Variants in CTNNA2 observed in about 807,000 individuals in gnomAD.
CTNNA2 encodes catenin alpha-2.
Under a neutral mutation model 101.0 loss-of-function variants are expected in CTNNA2, and 42 were observed. That is an observed-to-expected ratio of 0.42 (90% CI 0.32 to 0.54). The LOEUF is 0.54. Among genes scored for constraint, CTNNA2 ranks in the 20% least tolerant of loss-of-function variants. The probability of loss-of-function intolerance (pLI) is 0.14; values close to 1 mark genes in which losing one functional copy is unlikely to be tolerated. For synonymous variants in CTNNA2, 450 were observed against 456.4 expected, an observed-to-expected ratio of 0.99 and a Z score of 0.18; for missense variants, 871 against 1,223.1, an observed-to-expected ratio of 0.71 and a Z score of 4.29.
intron 7 of CTNNA2, among the ~76,000 whole-genome samples, chr2:80,103,577 A>G (rs1700684891): frequency 6.6e-6 from 1 of 152,218 alleles, no homozygotes; most frequent in African/African-American, 2.4e-5. Flanking sequence ...CCTGCAAGTT[A>G]GTATCCCCAT....
chr2:79,836,715 C>G (rs899184172), intron 3 of CTNNA2, among the ~76,000 whole-genome samples: 6 of 152,128 alleles, frequency 3.9e-5, no homozygotes, highest in African/African-American at 1.4e-4. Context: ...ATCTCTGACT[C>G]TGTTGTCATA....
intron 2 of CTNNA2, among the ~76,000 whole-genome samples, chr2:79,290,189 T>C (rs1675759154): frequency 6.6e-6 from 1 of 152,198 alleles, no homozygotes; most frequent in South Asian, 2.1e-4. Flanking sequence ...CAAAAAAATC[T>C]ATGTTTAACA....
rs776840727 is a variant in CTNNA2 at position 80,554,249 on chromosome 2, A to C, written c.1541-1444A>C. Among the ~76,000 whole-genome samples, 69 of 152,294 alleles carry C rather than the reference A, an allele frequency of 4.5e-4. 1 individual carries two copies. Among genetic ancestry groups the C allele is most frequent in the Non-Finnish European group, 7.9e-4 (54 of 68,006 alleles). On this transcript the variant is annotated intron_variant, in intron 11 of 18. Coordinates refer to ENST00000402739, the MANE Select transcript of CTNNA2 (RefSeq NM_001282597.3). ...TGCTGGATACTCTCTTTCTTTCTTT[A>C]GGAAATTTAAAATCAGAACTAGCCC...
chr2:79,953,695 C>CA (rs1166002103), intron 7 of CTNNA2, among the ~76,000 whole-genome samples: 7 of 152,142 alleles, frequency 4.6e-5, no homozygotes, highest in Non-Finnish European at 1.0e-4. Flanking sequence ...AACTTAACCT[C>CA]ACGTTCTTTA....
intron 1 of CTNNA2, among the ~76,000 whole-genome samples, chr2:79,607,610 T>C (rs985088421): frequency 3.9e-5 from 6 of 152,072 alleles, no homozygotes; most frequent in African/African-American, 9.7e-5. Context: ...TAGAAATCAA[T>C]AACAAATCTG....
rs759019705 is a variant in CTNNA2, at chr2:80,303,763, C to A, written c.1057-89448C>A. ...AGGCCCCCAGCAGACACAAGACCACCCCCGAGGGCCTCCTCAGCAGCCAGT... is the reference window on the plus strand; with the variant it reads ...AGGCCCCCAGCAGACACAAGACCACACCCGAGGGCCTCCTCAGCAGCCAGT... On this transcript the variant is annotated intron_variant, in intron 7 of 18. Coordinates refer to ENST00000402739, the MANE Select transcript of CTNNA2 (RefSeq NM_001282597.3). This position sits in a 1 kb window ranked among gnomAD's most constrained non-coding sequence, Gnocchi z 7.7. 8 of 1,571,160 alleles carry A rather than the reference C, an allele frequency of 5.1e-6. No homozygotes were observed. The South Asian group carries it at 7.2e-5, about 14-fold the overall frequency.
At chr2:79,329,087 T>C (rs1463967221) in intron 3 of CTNNA2, among the ~76,000 whole-genome samples, 3 of 152,170 alleles carry the variant, frequency 2.0e-5, no homozygotes, top group Non-Finnish European at 4.4e-5. Flanking sequence ...TCTTAACTTG[T>C]TTACATATGC....
intron 7 of CTNNA2, chr2:80,305,145 G>A: frequency 2.0e-6 from 2 of 985,418 alleles, no homozygotes; most frequent in Non-Finnish European, 2.4e-6. Flanking sequence ...GAAGACACAG[G>A]AAGGCAATGA....
At position 79,388,734 on chromosome 2, in the gene CTNNA2, AC is replaced by A. The variant is rs561452235; in HGVS notation, c.-135+14723del. Among the ~76,000 whole-genome samples, 26 of 151,342 alleles carry A rather than the reference AC, an allele frequency of 1.7e-4. No homozygotes were observed. The East Asian group carries it at 5.1e-3, about 29-fold the overall frequency. On this transcript the variant is annotated intron_variant, in intron 4 of 21. Coordinates refer to the CTNNA2 transcript ENST00000466387. ...CTTCATTCCCTGATCTTACCAACTT[AC>A]CTTTGAGTCCTAATACACGGTCACC...
chr2:79,875,890 A>C (rs573388429), intron 6 of CTNNA2, among the ~76,000 whole-genome samples: 1 of 152,324 alleles, frequency 6.6e-6, no homozygotes, highest in South Asian at 2.1e-4. Context: ...TATATAACAT[A>C]AATATACAAA....
chr2:79,942,596 C>A (rs763308871), intron 7 of CTNNA2, among the ~76,000 whole-genome samples: 4 of 152,142 alleles, frequency 2.6e-5, no homozygotes, highest in African/African-American at 9.7e-5. Flanking sequence ...ATGAGGAGGT[C>A]TTGCCAATAA....
At chr2:79,386,508 T>C (rs1165142457) in intron 4 of CTNNA2, among the ~76,000 whole-genome samples, 2 of 152,214 alleles carry the variant, frequency 1.3e-5, no homozygotes, top group African/African-American at 4.8e-5. Flanking sequence ...AAAAAGTTTA[T>C]CTGCTTTAGG....
At chr2:80,596,326 T>C (rs1196470392) in intron 15 of CTNNA2, among the ~76,000 whole-genome samples, 1 of 114,306 alleles carries the variant, frequency 8.7e-6, no homozygotes, top group Non-Finnish European at 1.7e-5. Flanking sequence ...TTTTTTTTTT[T>C]TGAGACGGAG....
intron 9 of CTNNA2, among the ~76,000 whole-genome samples, chr2:80,529,931 G>A (rs1252498416): frequency 6.6e-6 from 1 of 152,078 alleles, no homozygotes; most frequent in Non-Finnish European, 1.5e-5. Flanking sequence ...ATGGGGCTTG[G>A]CCTGCTCCTA....
intron 7 of CTNNA2, among the ~76,000 whole-genome samples, chr2:80,101,862 C>T (rs962704929): frequency 7.2e-5 from 11 of 152,286 alleles, no homozygotes; most frequent in African/African-American, 2.6e-4. Flanking sequence ...TTCACTTCCT[C>T]TTCACCAGGT....
intron 7 of CTNNA2, among the ~76,000 whole-genome samples, chr2:80,097,757 C>T (rs947791796): frequency 9.2e-5 from 14 of 152,142 alleles, no homozygotes; most frequent in Admixed American, 5.9e-4. Flanking sequence ...TCATTCATTT[C>T]GTCTTCCATC....
chr2:80,642,468 G>A (rs1183286549), intron 18 of CTNNA2, among the ~76,000 whole-genome samples: 1 of 152,176 alleles, frequency 6.6e-6, no homozygotes, highest in East Asian at 1.9e-4. Context: ...AAGCACAGTA[G>A]TTGGCAGAAA....
chr2:79,729,426 A>G (rs1412173402), intron 2 of CTNNA2, among the ~76,000 whole-genome samples: 1 of 152,058 alleles, frequency 6.6e-6, no homozygotes, highest in Non-Finnish European at 1.5e-5. Flanking sequence ...GGAAGTTCCA[A>G]ATTCTGTATT....
At chr2:80,639,565 C>T (rs1333729873) in intron 18 of CTNNA2, among the ~76,000 whole-genome samples, 2 of 140,384 alleles carry the variant, frequency 1.4e-5, no homozygotes, top group African/African-American at 5.0e-5. Context: ...ATAAATACAA[C>T]ATATCTGTGA....
Sources: allele counts gnomAD v4.1 joint callset (sites outside exome capture counted in the v4.1 genomes callset), GRCh38; gene constraint gnomAD v4.1.1; non-coding constraint Gnocchi (gnomAD v3.1); transcripts MANE v1.5; gene names NCBI Gene and HGNC (gene_info 2026-07-23, HGNC 2026-07-21).